Variants in PCDHA1 observed in about 807,000 individuals in gnomAD.
The protein encoded by PCDHA1 is protocadherin alpha 1.
PCDHA1 carries 42 observed loss-of-function variants against 61.3 expected under a neutral mutation model. That is an observed-to-expected ratio of 0.69 (90% CI 0.54 to 0.89). The LOEUF (loss-of-function observed/expected upper bound fraction) is 0.89. PCDHA1 is among the 40% of genes least tolerant of loss of function. The probability of loss-of-function intolerance (pLI) is 0.00; values close to 1 mark genes in which losing one functional copy is unlikely to be tolerated. For synonymous variants in PCDHA1, 610 were observed against 553.8 expected (o/e 1.10, Z -1.43); for missense variants, 1,256 against 1,235.3 (o/e 1.02, Z -0.25).
rs1330292023 is a variant in PCDHA1, at chr5:140,830,082, C to A, written c.2394+41398C>A. 1.2e-5 allele frequency: 19 copies of A among 1,613,566 alleles called. No homozygotes were observed. Among genetic ancestry groups the A allele is most frequent in the Non-Finnish European group, 1.5e-5 (18 of 1,179,846 alleles). On this transcript the variant is annotated intron_variant, in intron 1 of 3. Transcript: ENST00000504120. ...GAGCCGGCGCTGACAGCGACGGCCACGGTTCTGGTGTCGCTGGTGGAGAGT... is the reference window on the plus strand; with the variant it reads ...GAGCCGGCGCTGACAGCGACGGCCAAGGTTCTGGTGTCGCTGGTGGAGAGT...
chr5:140,856,786 T>C (rs1304575446), intron 1 of PCDHA1: 4 of 1,596,308 alleles, frequency 2.5e-6, no homozygotes, highest in East Asian at 4.5e-5. Context: ...GACCGGTTTA[T>C]GAAGTTAAGA....
intron 1 of PCDHA1, among the ~76,000 whole-genome samples, chr5:140,844,278 G>A (rs1324463534): frequency 6.7e-6 from 1 of 149,048 alleles, no homozygotes; most frequent in Non-Finnish European, 1.5e-5. Context: ...CAGAATGATA[G>A]TGTTTTTCAA....
At chr5:140,947,956 A>G (rs1460892977) in intron 1 of PCDHA1, among the ~76,000 whole-genome samples, 2 of 151,570 alleles carry the variant, frequency 1.3e-5, no homozygotes, top group Non-Finnish European at 3.0e-5. Context: ...CATATTTTAC[A>G]ATTAAGTATG....
chr5:140,843,800 C>T (rs2150366866), intron 1 of PCDHA1: 5 of 1,342,480 alleles, frequency 3.7e-6, no homozygotes, highest in East Asian at 2.3e-5. Context: ...TAGTTTTTCA[C>T]CGTATTTTAT....
chr5:140,823,110 C>A (rs2150122404), intron 1 of PCDHA1: 1 of 1,614,002 alleles, frequency 6.2e-7, no homozygotes, highest in East Asian at 2.2e-5. Flanking sequence ...TGGAAGTGGC[C>A]GACGTGAACG....
At chr5:140,883,313 G>A (rs1469839417) in intron 1 of PCDHA1, 2 of 1,614,000 alleles carry the variant, frequency 1.2e-6, no homozygotes, top group African/African-American at 2.7e-5. Flanking sequence ...TAACGCCCCA[G>A]AGGTTACCAT....
Position 140,883,957 on chromosome 5 carries a change from G to A in PCDHA1, c.2395-94992G>A, listed in dbSNP as rs879988838. ...TGCTGGACGAGAACGACAACGCTCC[G>A]GCGCTGCTGACGCCCGGGGCTGGCA... On this transcript the variant is annotated intron_variant, in intron 1 of 3. Coordinates refer to ENST00000504120, the MANE Select transcript of PCDHA1 (RefSeq NM_018900.4). 10 of 1,613,246 alleles carry A rather than the reference G, an allele frequency of 6.2e-6. No individual in the cohort carries two copies. In the East Asian group the frequency reaches 1.3e-4, roughly 22 times the overall value.
At chr5:140,960,380 A>G (rs2095544105) in intron 1 of PCDHA1, among the ~76,000 whole-genome samples, 2 of 152,200 alleles carry the variant, frequency 1.3e-5, no homozygotes, top group African/African-American at 4.8e-5. Flanking sequence ...TTAAGTGCCA[A>G]GACATTAGGA....
intron 1 of PCDHA1, chr5:140,927,843 C>T (rs1563097859): frequency 1.2e-6 from 2 of 1,614,186 alleles, no homozygotes; most frequent in Non-Finnish European, 1.7e-6. Context: ...ACGAAGGTGT[C>T]TTTGGTTTAG....
chr5:140,822,994 G>A lies in PCDHA1; in HGVS notation c.2394+34310G>A, dbSNP rs2150121119. ...CACCTTCAAGAATTACTACTCGTTG[G>A]TGCTGGACAGCGCCCTGGACCGCGA... On this transcript the variant is annotated intron_variant, in intron 1 of 3. Coordinates refer to ENST00000504120, the MANE Select transcript of PCDHA1 (RefSeq NM_018900.4). 66 of 1,614,244 alleles carry A rather than the reference G, an allele frequency of 4.1e-5. No homozygotes were observed. The highest frequency in any genetic ancestry group is 3.3e-4 in the Admixed American group (20 of 60,034).
At chr5:140,915,244 G>A (rs1440851135) in intron 1 of PCDHA1, among the ~76,000 whole-genome samples, 2 of 152,058 alleles carry the variant, frequency 1.3e-5, no homozygotes, top group Non-Finnish European at 2.9e-5. Flanking sequence ...ACCATGCCTG[G>A]CCAGGTTGTT....
chr5:140,931,279 C>T (rs73793526), intron 1 of PCDHA1, among the ~76,000 whole-genome samples: 2,016 of 152,088 alleles, frequency 0.013, 37 homozygotes, highest in African/African-American at 0.046. Context: ...CTTTTATTTT[C>T]ATTGCTTTCT....
chr5:140,869,973 C>A (rs782664221), intron 1 of PCDHA1: 2 of 1,613,100 alleles, frequency 1.2e-6, no homozygotes, highest in Admixed American at 1.7e-5. Context: ...ATGGAAGACA[C>A]TTATTTACAC....
chr5:140,843,680 G>T, intron 1 of PCDHA1: 1 of 1,588,882 alleles, frequency 6.3e-7, no homozygotes, highest in East Asian at 2.2e-5. Flanking sequence ...TGATGTAGGC[G>T]AAGAGCAAGA....
At chr5:140,958,135 G>T (rs868969031) in intron 1 of PCDHA1, among the ~76,000 whole-genome samples, 3 of 152,036 alleles carry the variant, frequency 2.0e-5, no homozygotes, top group Non-Finnish European at 4.4e-5. Context: ...GTATCAGTGT[G>T]TATATTTATA....
chr5:140,883,726 G>A, intron 1 of PCDHA1: 2 of 1,613,590 alleles, frequency 1.2e-6, no homozygotes, highest in Non-Finnish European at 1.7e-6. Context: ...ACGCACAGGA[G>A]AACGCGCTGG....
At chr5:141,003,658 A>G (rs1379758431) in intron 3 of PCDHA1, among the ~76,000 whole-genome samples, 2 of 152,212 alleles carry the variant, frequency 1.3e-5, no homozygotes, top group Non-Finnish European at 2.9e-5. Flanking sequence ...GTATGCATTT[A>G]TTAAAATATA....
intron 1 of PCDHA1, among the ~76,000 whole-genome samples, chr5:140,800,494 A>T (rs1049595240): frequency 6.6e-6 from 1 of 152,222 alleles, no homozygotes; most frequent in African/African-American, 2.4e-5. Flanking sequence ...ACACACTTTT[A>T]AATACTTCAA....
chr5:140,929,163 G>T lies in PCDHA1; in HGVS notation c.2395-49786G>T, dbSNP rs142058597. On this transcript the variant is annotated intron_variant, in intron 1 of 3. Coordinates refer to ENST00000504120, the MANE Select transcript of PCDHA1 (RefSeq NM_018900.4). ...GACTTTCTCAGACTTATCTCTATCG[G>T]GCCTCTCTGGGACTTGGTTCTGATA... 2.4e-4 allele frequency: 385 copies of T among 1,614,058 alleles called. 2 individuals carry two copies. In the African/African-American group the frequency reaches 4.5e-3, roughly 19 times the overall value.
Sources: gnomAD v4.1 joint callset for allele counts (sites outside exome capture counted in the v4.1 genomes callset) on GRCh38, gnomAD v4.1.1 for gene constraint, MANE v1.5 for transcripts, NCBI Gene and HGNC (gene_info 2026-07-23, HGNC 2026-07-21) for gene names.